WWOX: variants seen among roughly 807,000 people sequenced by gnomAD.
WWOX encodes WW domain containing oxidoreductase.
Under a neutral mutation model 46.2 loss-of-function variants are expected in WWOX, and 69 were observed. The observed-to-expected ratio is 1.49, with a 90% CI of 1.23 to 1.82. WWOX has a LOEUF of 1.82. WWOX is among the 40% of genes most tolerant of loss of function. The probability of loss-of-function intolerance (pLI) is 0.00; values close to 1 mark genes in which losing one functional copy is unlikely to be tolerated. For synonymous variants in WWOX, 359 were observed against 202.6 expected (o/e 1.77, Z -6.56); for missense variants, 919 against 542.6 (o/e 1.69, Z -6.89).
intron 4 of WWOX, among the ~76,000 whole-genome samples, chr16:78,158,673 T>A (rs4888752): frequency 0.75 from 114,761 of 152,080 alleles, 43,540 homozygotes; most frequent in East Asian, 0.91. Context: ...AGATCTTCTT[T>A]GGGTTCATAG....
chr16:79,151,949 G>C (rs1284522080), intron 8 of WWOX, among the ~76,000 whole-genome samples: 1 of 152,130 alleles, frequency 6.6e-6, no homozygotes, highest in Non-Finnish European at 1.5e-5. Flanking sequence ...GGATATCTGG[G>C]CTCTGAGTCT....
intron 8 of WWOX, among the ~76,000 whole-genome samples, chr16:78,518,836 C>T (rs1470117500): frequency 6.6e-6 from 1 of 152,128 alleles, no homozygotes; most frequent in African/African-American, 2.4e-5. Context: ...CCTGTGATTT[C>T]ACTGTGCATA....
intron 8 of WWOX, among the ~76,000 whole-genome samples, chr16:78,749,081 G>C (rs565664305): frequency 6.6e-6 from 1 of 152,342 alleles, no homozygotes; most frequent in African/African-American, 2.4e-5. Context: ...GTCTGGATGT[G>C]TTTTAGTGCT....
chr16:78,993,950 A>G (rs973041832), intron 8 of WWOX, among the ~76,000 whole-genome samples: 3 of 152,150 alleles, frequency 2.0e-5, no homozygotes, highest in African/African-American at 4.8e-5. Flanking sequence ...ACAGTGTGGC[A>G]TTGTTCCCTG....
intron 8 of WWOX, among the ~76,000 whole-genome samples, chr16:78,621,169 C>T (rs970933724): frequency 6.6e-6 from 1 of 152,102 alleles, no homozygotes; most frequent in Non-Finnish European, 1.5e-5. Flanking sequence ...TTAACTCACA[C>T]CTGTGAAAAT....
intron 8 of WWOX, among the ~76,000 whole-genome samples, chr16:78,648,949 T>C (rs1174850670): frequency 6.6e-6 from 1 of 152,178 alleles, no homozygotes; most frequent in Non-Finnish European, 1.5e-5. Context: ...CTTTGATTGT[T>C]TTTAATTAAT....
intron 8 of WWOX, among the ~76,000 whole-genome samples, chr16:78,906,537 T>A (rs2044969572): frequency 6.6e-6 from 1 of 152,152 alleles, no homozygotes; most frequent in South Asian, 2.1e-4. Flanking sequence ...TGCAGGGTAG[T>A]CCACGGCTTC....
intron 8 of WWOX, among the ~76,000 whole-genome samples, chr16:78,981,041 G>A (rs897215013): frequency 6.6e-5 from 10 of 152,186 alleles, no homozygotes; most frequent in African/African-American, 1.7e-4. Flanking sequence ...GGGCATTTTT[G>A]TATGTCATGC....
intron 6 of WWOX, among the ~76,000 whole-genome samples, chr16:78,422,663 G>GTATATATATATA (rs569996246): frequency 0.025 from 599 of 24,352 alleles, 43 homozygotes; most frequent in African/African-American, 0.037. Context: ...TTTTTTACAT[G>GTATATATATATA]TATATATATA....
At chr16:78,969,269 C>CT (rs71384387) in intron 8 of WWOX, among the ~76,000 whole-genome samples, 50,111 of 142,412 alleles carry the variant, frequency 0.35, 9,006 homozygotes, top group East Asian at 0.47. Context: ...CTCTCTCTCT[C>CT]TTTTTTTTTT....
intron 8 of WWOX, among the ~76,000 whole-genome samples, chr16:78,928,216 T>G (rs982589121): frequency 1.3e-5 from 2 of 150,874 alleles, no homozygotes; most frequent in Non-Finnish European, 3.0e-5. Context: ...TTTTTTTTTT[T>G]TTTTGAGACG....
At chr16:78,893,085 C>G (rs1036331572) in intron 8 of WWOX, among the ~76,000 whole-genome samples, 1 of 152,020 alleles carries the variant, frequency 6.6e-6, no homozygotes, top group African/African-American at 2.4e-5. Flanking sequence ...CAGGAGTTTC[C>G]ATCTCCACCC....
At chr16:78,134,385 G>T (rs1453629961) in intron 4 of WWOX, among the ~76,000 whole-genome samples, 1 of 151,990 alleles carries the variant, frequency 6.6e-6, no homozygotes, top group African/African-American at 2.4e-5. Context: ...AATGCCTGCT[G>T]AATTTTACCT....
chr16:78,629,298 T>G (rs2046376340), intron 8 of WWOX, among the ~76,000 whole-genome samples: 1 of 151,418 alleles, frequency 6.6e-6, no homozygotes, highest in South Asian at 2.1e-4. Context: ...AGGCCTTCCT[T>G]TGTCTCCCAG....
At position 78,862,063 on chromosome 16, in the gene WWOX, T is replaced by G. The variant is rs150505427; in HGVS notation, c.1057-349545T>G. On this transcript the variant is annotated intron_variant, in intron 8 of 8. Coordinates refer to ENST00000566780, the MANE Select transcript of WWOX (RefSeq NM_016373.4). ...TATCTATTATATATATAGAGAGAGA[T>G]ATATGCATATCTATACACACCTACG... 8.9e-4 allele frequency among the ~76,000 whole-genome samples: 136 copies of G among 152,216 alleles called. 1 individual carries two copies. Among genetic ancestry groups the G allele is most frequent in the African/African-American group, 2.7e-3 (113 of 41,540 alleles).
chr16:79,189,465 G>GTGTGTT (rs1567607034), intron 8 of WWOX, among the ~76,000 whole-genome samples: 5 of 147,246 alleles, frequency 3.4e-5, no homozygotes, highest in African/African-American at 1.3e-4. Flanking sequence ...GTGTGTGTGT[G>GTGTGTT]TGTGTGTGTG....
At chr16:78,476,713 G>A (rs1463721885) in intron 8 of WWOX, among the ~76,000 whole-genome samples, 2 of 152,150 alleles carry the variant, frequency 1.3e-5, no homozygotes, top group Non-Finnish European at 2.9e-5. Context: ...TAAATTATAA[G>A]CTAGCTAATT....
At position 79,038,551 on chromosome 16, in the gene WWOX, A is replaced by T. The variant is rs576838159; in HGVS notation, c.1057-173057A>T. 9.2e-5 allele frequency among the ~76,000 whole-genome samples: 14 copies of T among 152,258 alleles called. No homozygotes were observed. The South Asian group carries it at 2.9e-3, about 32-fold the overall frequency. On this transcript the variant is annotated intron_variant, in intron 8 of 8. Coordinates refer to ENST00000566780, the MANE Select transcript of WWOX (RefSeq NM_016373.4). The stretch of plus-strand genomic sequence containing the variant: ...ATCAGAGTTTTCTGACAAAGAATTA[A>T]CTTTTTATTTTTTTTGAGACAGAGT...
intron 8 of WWOX, among the ~76,000 whole-genome samples, chr16:79,053,214 T>A (rs950755966): frequency 9.2e-5 from 14 of 152,300 alleles, no homozygotes; most frequent in Admixed American, 2.6e-4. Flanking sequence ...GAGGCCAGGG[T>A]GTGTTTTATT....
Sources: allele counts gnomAD v4.1 joint callset (sites outside exome capture counted in the v4.1 genomes callset), GRCh38; gene constraint gnomAD v4.1.1; transcripts MANE v1.5; gene names NCBI Gene and HGNC (gene_info 2026-07-23, HGNC 2026-07-21).